Variants in NRXN3 observed in about 807,000 individuals in gnomAD.
The protein encoded by NRXN3 is neurexin 3, also known as neurexin III.
NRXN3 carries 32 observed loss-of-function variants against 137.6 expected under a neutral mutation model. The observed-to-expected ratio is 0.23, with a 90% CI of 0.18 to 0.31. NRXN3 has a LOEUF of 0.31. Among genes scored for constraint, NRXN3 ranks in the 10% least tolerant of loss-of-function variants. The pLI is 1.00. For missense variants in NRXN3, 1,574 were observed against 2,062.5 expected, an observed-to-expected ratio of 0.76 and a Z score of 4.59; for synonymous variants, 798 against 784.5, an observed-to-expected ratio of 1.02 and a Z score of -0.29.
At chr14:78,174,187 A>G (rs902447447) in intron 1 of NRXN3, among the ~76,000 whole-genome samples, 1 of 152,122 alleles carries the variant, frequency 6.6e-6, no homozygotes, top group East Asian at 1.9e-4. Context: ...ACCATCCATG[A>G]AATATATGTT....
At chr14:79,793,868 T>G (rs2140342791) in intron 19 of NRXN3, among the ~76,000 whole-genome samples, 1 of 152,330 alleles carries the variant, frequency 6.6e-6, no homozygotes, top group South Asian at 2.1e-4. Context: ...AATAACACAA[T>G]TTGTATGTCA....
At chr14:78,861,384 C>T (rs557671819) in intron 10 of NRXN3, among the ~76,000 whole-genome samples, 1 of 152,164 alleles carries the variant, frequency 6.6e-6, no homozygotes, top group South Asian at 2.1e-4. Flanking sequence ...ATTTTTGTCT[C>T]AATTGAATGA....
intron 15 of NRXN3, among the ~76,000 whole-genome samples, chr14:79,178,713 A>G (rs972551105): frequency 4.6e-5 from 7 of 152,178 alleles, no homozygotes; most frequent in Non-Finnish European, 7.3e-5. Flanking sequence ...AGACAACATG[A>G]TCTCTCACAT....
intron 15 of NRXN3, among the ~76,000 whole-genome samples, chr14:79,258,980 G>A (rs935743816): frequency 6.6e-6 from 1 of 152,192 alleles, no homozygotes; most frequent in Non-Finnish European, 1.5e-5. Flanking sequence ...GGGATCAGAT[G>A]TCCTTCAAAC....
chr14:79,187,031 G>A (rs1306699517), intron 15 of NRXN3, among the ~76,000 whole-genome samples: 2 of 152,062 alleles, frequency 1.3e-5, no homozygotes, highest in Non-Finnish European at 2.9e-5. Flanking sequence ...CCTTCCAATC[G>A]AGTTTCCTTC....
chr14:79,067,621 C>T (rs4903819), intron 15 of NRXN3, among the ~76,000 whole-genome samples: 89,346 of 151,820 alleles, frequency 0.59, 27,012 homozygotes, highest in East Asian at 0.81. Context: ...GTAGGCTATT[C>T]TCTACTGCCT....
chr14:79,635,844 C>T (rs1054399231), intron 16 of NRXN3, among the ~76,000 whole-genome samples: 6 of 152,140 alleles, frequency 3.9e-5, no homozygotes, highest in Admixed American at 1.3e-4. Flanking sequence ...CAAACACATC[C>T]TTCTTCACAT....
At chr14:78,508,602 T>C (rs1236652876) in intron 4 of NRXN3, among the ~76,000 whole-genome samples, 2 of 152,136 alleles carry the variant, frequency 1.3e-5, no homozygotes, top group East Asian at 3.9e-4. Context: ...CACACTGAAG[T>C]AAGTATTAAG....
At chr14:79,683,241 T>C (rs2098679578) in intron 17 of NRXN3, among the ~76,000 whole-genome samples, 1 of 152,162 alleles carries the variant, frequency 6.6e-6, no homozygotes, top group Non-Finnish European at 1.5e-5. Context: ...TATATAAAAC[T>C]TCTCCAGTGT....
chr14:79,338,543 CT>C (rs1163334771), intron 15 of NRXN3, among the ~76,000 whole-genome samples: 2 of 152,062 alleles, frequency 1.3e-5, no homozygotes, highest in African/African-American at 4.8e-5. Flanking sequence ...ACCCATGTGA[CT>C]TTGGACAATT....
intron 3 of NRXN3, among the ~76,000 whole-genome samples, chr14:78,284,980 G>C (rs2074972301): frequency 6.6e-6 from 1 of 152,222 alleles, no homozygotes; most frequent in Non-Finnish European, 1.5e-5. Context: ...GTAAGTTTCA[G>C]AATGTAAATG....
At chr14:79,385,160 C>T (rs1028476755) in intron 15 of NRXN3, among the ~76,000 whole-genome samples, 1 of 149,328 alleles carries the variant, frequency 6.7e-6, no homozygotes, top group Non-Finnish European at 1.5e-5. Context: ...GCTGCACCCA[C>T]TAACTCGTCA....
At chr14:79,061,809 C>T (rs969774042) in intron 15 of NRXN3, among the ~76,000 whole-genome samples, 1 of 152,184 alleles carries the variant, frequency 6.6e-6, no homozygotes, top group African/African-American at 2.4e-5. Flanking sequence ...GAGTGCCCCT[C>T]CCCATCCCGG....
At chr14:78,394,952 T>G (rs1185732171) in intron 4 of NRXN3, among the ~76,000 whole-genome samples, 1 of 151,942 alleles carries the variant, frequency 6.6e-6, no homozygotes, top group Non-Finnish European at 1.5e-5. Flanking sequence ...AATTTGTGTC[T>G]TCTGTCTAAC....
chr14:78,740,832 C>T (rs60045260), intron 8 of NRXN3, among the ~76,000 whole-genome samples: 1 of 148,128 alleles, frequency 6.8e-6, no homozygotes, highest in Non-Finnish European at 1.5e-5. Context: ...CTGGTTATGA[C>T]TTTTTTTTCT....
chr14:78,560,362 A>T (rs1001027667), intron 4 of NRXN3, among the ~76,000 whole-genome samples: 5 of 152,164 alleles, frequency 3.3e-5, no homozygotes, highest in Admixed American at 6.5e-5. Flanking sequence ...TGGGAAGGGA[A>T]ATTTCCAGAA....
At chr14:79,744,317 A>G (rs1225188085) in intron 19 of NRXN3, among the ~76,000 whole-genome samples, 1 of 152,170 alleles carries the variant, frequency 6.6e-6, no homozygotes, top group African/African-American at 2.4e-5. Context: ...CCCCAAATAC[A>G]TTTTTTGAAA....
At position 79,433,030 on chromosome 14, in the gene NRXN3, C is replaced by T. The variant is rs779666263; in HGVS notation, c.3263-34191C>T. 1.0e-3 allele frequency among the ~76,000 whole-genome samples: 156 copies of T among 152,232 alleles called. 1 individual carries two copies. The highest frequency in any genetic ancestry group is 1.9e-3 in the Non-Finnish European group (126 of 68,016). On this transcript the variant is annotated intron_variant, in intron 15 of 20. Transcript: ENST00000335750. ...ATATTTCTTGTTACCTTTTGGTTTT[C>T]CCCGGCACCTAACAATGTAATCTTC...
At chr14:79,241,230 G>A (rs892353731) in intron 15 of NRXN3, among the ~76,000 whole-genome samples, 1 of 152,140 alleles carries the variant, frequency 6.6e-6, no homozygotes, top group Non-Finnish European at 1.5e-5. Context: ...ACATCAGAAA[G>A]CCACATAGTC....
Sources: gnomAD v4.1 joint callset for allele counts (sites outside exome capture counted in the v4.1 genomes callset) on GRCh38, gnomAD v4.1.1 for gene constraint, MANE v1.5 for transcripts, NCBI Gene and HGNC (gene_info 2026-07-23, HGNC 2026-07-21) for gene names.